The following CRACD variants were observed in gnomAD, a reference collection of about 807,000 sequenced individuals.
CRACD encodes the protein capping protein inhibiting regulator of actin dynamics, also known as capping protein-inhibiting regulator of actin dynamics.
In CRACD, 56 loss-of-function variants were observed where a neutral mutation model predicts 106.8. That is an observed-to-expected ratio of 0.52 (90% CI 0.42 to 0.66). CRACD has a LOEUF of 0.66. Ranked by LOEUF, CRACD falls within the 30% of genes least tolerant of loss-of-function variation. The pLI is 0.00. For missense variants in CRACD, 1,730 were observed against 1,623.2 expected (o/e 1.07, Z -1.13); for synonymous variants, 754 against 670.8 (o/e 1.12, Z -1.92).
intron 2 of CRACD, among the ~76,000 whole-genome samples, chr4:56,262,167 G>C (rs951776562): frequency 7.2e-5 from 11 of 152,220 alleles, no homozygotes; most frequent in African/African-American, 2.7e-4. Flanking sequence ...TGTGGACTTG[G>C]ATGTCGGAGG....
At chr4:56,308,606 T>G (rs185156796) in intron 5 of CRACD, among the ~76,000 whole-genome samples, 1 of 152,056 alleles carries the variant, frequency 6.6e-6, no homozygotes, top group Admixed American at 6.5e-5. Context: ...TGATGTGTCA[T>G]GAGAGTAGTG....
chr4:56,098,912 T>G (rs1010680158), intron 1 of CRACD, among the ~76,000 whole-genome samples: 6 of 152,172 alleles, frequency 3.9e-5, no homozygotes, highest in Non-Finnish European at 8.8e-5. Context: ...TGACCTCAGG[T>G]GATCTCCCCA....
At chr4:56,159,466 C>T (rs370891837) in intron 1 of CRACD, among the ~76,000 whole-genome samples, 10 of 152,030 alleles carry the variant, frequency 6.6e-5, no homozygotes, top group Non-Finnish European at 8.8e-5. Context: ...CTGGCTAACA[C>T]GGTGAAACCC....
At chr4:56,273,322 T>A (rs1742475147) in intron 3 of CRACD, among the ~76,000 whole-genome samples, 1 of 151,676 alleles carries the variant, frequency 6.6e-6, no homozygotes. Flanking sequence ...CCTTCCTTCC[T>A]TCCTTCCTTC....
chr4:56,148,155 G>T (rs182648079), intron 1 of CRACD, among the ~76,000 whole-genome samples: 39 of 152,138 alleles, frequency 2.6e-4, no homozygotes, highest in Middle Eastern at 3.4e-3. Context: ...ATAAATTCCT[G>T]TTGTTTAAGA....
At chr4:56,310,774 A>G (rs1217552242) in intron 6 of CRACD, 40 bp downstream of exon 6, 1 of 1,388,070 alleles carries the variant, frequency 7.2e-7, no homozygotes, top group East Asian at 2.3e-5. Flanking sequence ...TTCTTTCCTT[A>G]CTTAACTTTC....
At chr4:56,275,473 G>A (rs916600528) in intron 3 of CRACD, among the ~76,000 whole-genome samples, 2 of 152,022 alleles carry the variant, frequency 1.3e-5, no homozygotes, top group African/African-American at 4.8e-5. Context: ...AGAAGCACAG[G>A]AAAATAGAAG....
At chr4:56,055,855 GA>G (rs1732040498) in intron 1 of CRACD, among the ~76,000 whole-genome samples, 2 of 152,176 alleles carry the variant, frequency 1.3e-5, no homozygotes, top group South Asian at 4.1e-4. Context: ...GGTGAAGGCA[GA>G]TCATTGATCA....
chr4:56,315,066 C>G lies in CRACD; in HGVS notation c.1564C>G (p.Leu522Val). 3 of 1,609,936 alleles carry G rather than the reference C, an allele frequency of 1.9e-6. No homozygotes were observed. Among genetic ancestry groups the G allele is most frequent in the Non-Finnish European group, 2.5e-6 (3 of 1,178,816 alleles). Residue 522 changes from leucine (L) to valine (V), a missense_variant, in exon 8 of 11, where the codon CTG (leucine) becomes GTG (valine). By Grantham distance (32) the Leu-to-Val change is conservative (BLOSUM62 1). This residue lies in a region of CRACD where 1,620 missense variants were observed against 1,481.6 expected (regional missense o/e 1.09). Coordinates refer to ENST00000682029, the MANE Select transcript of CRACD (RefSeq NM_001393381.1). This position sits in a 1 kb window ranked among gnomAD's most constrained non-coding sequence, Gnocchi z 4.1. ...ALEQGRKVEE[L>V]RWQEVDERQT... is the part of the protein sequence containing the mutation. ...TGAACAAGGCCGCAAGGTGGAGGAGCTGCGGTGGCAGGAGGTGGACGAGAG... is the reference window on the plus strand; with the variant it reads ...TGAACAAGGCCGCAAGGTGGAGGAGGTGCGGTGGCAGGAGGTGGACGAGAG...
intron 1 of CRACD, among the ~76,000 whole-genome samples, chr4:56,155,554 G>T (rs556614305): frequency 6.6e-6 from 1 of 152,144 alleles, no homozygotes; most frequent in Non-Finnish European, 1.5e-5. Flanking sequence ...CTTCTACGTC[G>T]ATTGAATCCC....
Position 56,314,429 on chromosome 4 carries a change from G to A in CRACD, c.927G>A (p.Glu309=), listed in dbSNP as rs1157273393. ...GWEDAERRER[E]ERERLEAEEE... is the part of the protein sequence containing the mutation. ...AGGACGCGGAGCGGAGGGAGCGTGA[G>A]GAGCGCGAGCGCCTGGAGGCGGAGG... Residue 309 remains glutamate, a synonymous_variant, in exon 8 of 11, where the codon GAG becomes GAA. Coordinates refer to ENST00000682029, the MANE Select transcript of CRACD (RefSeq NM_001393381.1). The surrounding 1 kb of genome is among the most constrained non-coding windows in gnomAD (Gnocchi z 4.4). 2 of 1,542,958 alleles carry A rather than the reference G, an allele frequency of 1.3e-6. No individual in the cohort carries two copies. Among genetic ancestry groups the A allele is most frequent in the African/African-American group, 2.7e-5 (2 of 72,852 alleles).
intron 2 of CRACD, among the ~76,000 whole-genome samples, chr4:56,205,471 C>T (rs1054711389): frequency 2.6e-5 from 4 of 151,634 alleles, no homozygotes; most frequent in Admixed American, 6.6e-5. Flanking sequence ...GAATACCAAG[C>T]GTGCCCCGAT....
intron 3 of CRACD, among the ~76,000 whole-genome samples, chr4:56,279,744 C>G (rs529537246): frequency 2.0e-5 from 3 of 152,262 alleles, no homozygotes; most frequent in Middle Eastern, 3.4e-3. Context: ...GGCGATTCCT[C>G]AGGGATTTAG....
At chr4:56,068,369 A>G (rs1732529956) in intron 1 of CRACD, among the ~76,000 whole-genome samples, 1 of 152,200 alleles carries the variant, frequency 6.6e-6, no homozygotes, top group African/African-American at 2.4e-5. Context: ...GGACAGATGG[A>G]GAGGAGGTCT....
intron 2 of CRACD, among the ~76,000 whole-genome samples, chr4:56,231,681 G>GTGCA (rs1460440873): frequency 7.2e-5 from 11 of 152,232 alleles, no homozygotes; most frequent in African/African-American, 2.7e-4. Context: ...ATACAAAAGA[G>GTGCA]TGCATGCTAC....
At chr4:56,085,799 T>G (rs894229504) in intron 1 of CRACD, among the ~76,000 whole-genome samples, 1 of 152,126 alleles carries the variant, frequency 6.6e-6, no homozygotes, top group Non-Finnish European at 1.5e-5. Context: ...GAACTGACAA[T>G]TTTTAGATAT....
chr4:56,205,111 A>G (rs1334938348), intron 2 of CRACD, among the ~76,000 whole-genome samples: 1 of 152,196 alleles, frequency 6.6e-6, no homozygotes, highest in East Asian at 1.9e-4. Flanking sequence ...AGCTATGATC[A>G]CACCACTGCA....
At chr4:56,128,896 G>A (rs890036056) in intron 1 of CRACD, among the ~76,000 whole-genome samples, 1 of 151,928 alleles carries the variant, frequency 6.6e-6, no homozygotes, top group African/African-American at 2.4e-5. Flanking sequence ...TATTGTTTGG[G>A]TCAGTAAGAA....
At chr4:56,085,122 C>T (rs936249407) in intron 1 of CRACD, among the ~76,000 whole-genome samples, 1 of 152,076 alleles carries the variant, frequency 6.6e-6, no homozygotes, top group African/African-American at 2.4e-5. Context: ...GACATCTCTT[C>T]TCCACAAGCA....
Sources: gnomAD v4.1 joint callset for allele counts (sites outside exome capture counted in the v4.1 genomes callset) on GRCh38, gnomAD v4.1.1 for gene constraint, gnomAD v4.1.1 regional missense constraint, Gnocchi (gnomAD v3.1) non-coding constraint, MANE v1.5 for transcripts, NCBI Gene and HGNC (gene_info 2026-07-23, HGNC 2026-07-21) for gene names.